Variants in NTN4 observed in about 807,000 individuals in gnomAD.
NTN4 encodes the protein netrin-4.
In NTN4, 32 loss-of-function variants were observed where a neutral mutation model predicts 73.6. That is an observed-to-expected ratio of 0.44 (90% confidence interval 0.33 to 0.58). The LOEUF is 0.58. NTN4 is among the 20% of genes least tolerant of loss of function. NTN4 has a pLI of 0.04. For synonymous variants in NTN4, 258 were observed against 287.5 expected (o/e 0.90, Z 1.04); for missense variants, 654 against 798.3 (o/e 0.82, Z 2.18).
At chr12:95,753,696 A>T (rs1427685781) in intron 2 of NTN4, among the ~76,000 whole-genome samples, 1 of 150,938 alleles carries the variant, frequency 6.6e-6, no homozygotes, top group Non-Finnish European at 1.5e-5. Context: ...TTAAAAACAC[A>T]CCTCACCAAG....
At chr12:95,783,376 C>T (rs1049559216) in intron 2 of NTN4, among the ~76,000 whole-genome samples, 3 of 152,208 alleles carry the variant, frequency 2.0e-5, no homozygotes, top group Non-Finnish European at 2.9e-5. Context: ...TTTGTTAAAC[C>T]AAGTCAGTGT....
intron 2 of NTN4, among the ~76,000 whole-genome samples, chr12:95,758,467 A>G (rs2078962175): frequency 6.6e-6 from 1 of 152,118 alleles, no homozygotes; most frequent in Admixed American, 6.5e-5. Flanking sequence ...TGATATGTAA[A>G]TATATATTCA....
chr12:95,778,214 T>G (rs1355003157), intron 2 of NTN4, among the ~76,000 whole-genome samples: 2 of 151,662 alleles, frequency 1.3e-5, no homozygotes, highest in African/African-American at 4.8e-5. Context: ...AAGCAGGAAA[T>G]ATCTAAAATT....
intron 8 of NTN4, among the ~76,000 whole-genome samples, 157 bp from the exon 9 acceptor site, chr12:95,666,137 G>A (rs1174127335): frequency 6.6e-6 from 1 of 152,138 alleles, no homozygotes; most frequent in African/African-American, 2.4e-5. Flanking sequence ...CTTGGATGGA[G>A]TTAGAAGCCA....
chr12:95,757,499 T>C (rs1404463383), intron 2 of NTN4, among the ~76,000 whole-genome samples: 1 of 152,032 alleles, frequency 6.6e-6, no homozygotes, highest in Non-Finnish European at 1.5e-5. Context: ...AGAATTAATA[T>C]GGCAAAGAGA....
At chr12:95,769,318 T>C (rs1261991286) in intron 2 of NTN4, among the ~76,000 whole-genome samples, 1 of 152,030 alleles carries the variant, frequency 6.6e-6, no homozygotes, top group African/African-American at 2.4e-5. Flanking sequence ...GAGAAAATCA[T>C]GGGGGCAAGC....
At chr12:95,755,709 C>G in intron 2 of NTN4, among the ~76,000 whole-genome samples, 1 of 152,216 alleles carries the variant, frequency 6.6e-6, no homozygotes, top group Middle Eastern at 3.4e-3. Context: ...CTTACTTGTA[C>G]GATAATAACC....
intron 2 of NTN4, among the ~76,000 whole-genome samples, chr12:95,741,759 A>T (rs1163721061): frequency 6.6e-6 from 1 of 151,754 alleles, no homozygotes; most frequent in Admixed American, 6.6e-5. Context: ...AATAAAATTT[A>T]TGTAAATGTG....
At chr12:95,716,561 ATAT>A (rs924601921) in intron 3 of NTN4, among the ~76,000 whole-genome samples, 16 of 152,048 alleles carry the variant, frequency 1.1e-4, no homozygotes, top group African/African-American at 3.9e-4. Flanking sequence ...TTTTTTAAAA[ATAT>A]TATTTCTATC....
intron 2 of NTN4, among the ~76,000 whole-genome samples, chr12:95,777,151 C>G (rs1382260816): frequency 2.0e-5 from 3 of 152,112 alleles, no homozygotes; most frequent in African/African-American, 7.2e-5. Context: ...TACAAGAGCT[C>G]CTGAAGGAAG....
intron 5 of NTN4, among the ~76,000 whole-genome samples, chr12:95,693,663 G>A (rs553875774): frequency 6.6e-6 from 1 of 150,862 alleles, no homozygotes; most frequent in South Asian, 2.1e-4. Flanking sequence ...CCTGGGAAGC[G>A]GAGGCTGCAG....
chr12:95,767,208 T>C (rs2079026487), intron 2 of NTN4, among the ~76,000 whole-genome samples: 1 of 152,084 alleles, frequency 6.6e-6, no homozygotes, highest in Admixed American at 6.6e-5. Context: ...GGATTGGCTT[T>C]CCTTACACAG....
intron 3 of NTN4, among the ~76,000 whole-genome samples, chr12:95,719,920 C>T (rs1479491635): frequency 1.3e-5 from 2 of 152,188 alleles, no homozygotes; most frequent in Non-Finnish European, 2.9e-5. Context: ...AAAAGCTTTA[C>T]TGCTTATTCT....
intron 3 of NTN4, among the ~76,000 whole-genome samples, chr12:95,722,811 C>T (rs1407245784): frequency 2.0e-5 from 3 of 151,444 alleles, no homozygotes; most frequent in East Asian, 2.0e-4. Context: ...TCTGTCTCTA[C>T]GAAAAATAAT....
chr12:95,715,057 T>A (rs10859926), intron 3 of NTN4, among the ~76,000 whole-genome samples: 123,438 of 151,962 alleles, frequency 0.81, 50,246 homozygotes, highest in South Asian at 0.86. Context: ...CCACTGGTGG[T>A]CGCACTCTGC....
chr12:95,659,635 G>A (rs1374829092), intron 9 of NTN4, among the ~76,000 whole-genome samples: 3 of 152,098 alleles, frequency 2.0e-5, no homozygotes, highest in East Asian at 1.9e-4. Flanking sequence ...TTGGAATAAG[G>A]AGTAAGAAAC....
At chr12:95,785,091 T>C (rs1565920051) in intron 2 of NTN4, among the ~76,000 whole-genome samples, 4 of 152,010 alleles carry the variant, frequency 2.6e-5, no homozygotes, top group Admixed American at 2.0e-4. Flanking sequence ...ATTTCATAGA[T>C]AAACAAGGCC....
At chr12:95,683,431 A>G in intron 6 of NTN4, 67 bp downstream of exon 6, 1 of 1,447,174 alleles carries the variant, frequency 6.9e-7, no homozygotes, top group Non-Finnish European at 9.6e-7. Context: ...AGATTTTCCA[A>G]ATCACTATAG....
chr12:95,661,222 A>C (rs1565874491), intron 9 of NTN4, among the ~76,000 whole-genome samples: 1 of 152,216 alleles, frequency 6.6e-6, no homozygotes, highest in Non-Finnish European at 1.5e-5. Flanking sequence ...TAGAAATTAC[A>C]GGGAAGGAAT....
Sources: allele counts gnomAD v4.1 joint callset (sites outside exome capture counted in the v4.1 genomes callset), GRCh38; gene constraint gnomAD v4.1.1; transcripts MANE v1.5; gene names NCBI Gene and HGNC (gene_info 2026-07-23, HGNC 2026-07-21).